GLI3: variants seen among roughly 807,000 people sequenced by gnomAD.
GLI3 encodes transcription activator GLI3.
In GLI3, 20 loss-of-function variants were observed where a neutral mutation model predicts 100.8. That is an observed-to-expected ratio of 0.20 (90% CI 0.14 to 0.29). GLI3 has a LOEUF of 0.29. Among genes scored for constraint, GLI3 ranks in the 10% least tolerant of loss-of-function variants. The pLI is 1.00. For missense variants in GLI3, 2,040 were observed against 2,128.5 expected, an observed-to-expected ratio of 0.96 and a Z score of 0.82; for synonymous variants, 938 against 860.5, an observed-to-expected ratio of 1.09 and a Z score of -1.58.
At chr7:42,242,779 C>T (rs1788938697), upstream of GLI3, among the ~76,000 whole-genome samples, 2 of 152,180 alleles carry the variant, frequency 1.3e-5, no homozygotes, top group South Asian at 4.1e-4. Context: ...TGTCCCCACA[C>T]CTAGAAGCTT....
intron 9 of GLI3, among the ~76,000 whole-genome samples, chr7:42,023,913 C>A (rs567982848): frequency 3.3e-5 from 5 of 151,846 alleles, no homozygotes; most frequent in East Asian, 1.9e-4. Context: ...TAAAAAAAAA[C>A]CCAAAACAAA....
At chr7:42,180,403 G>C (rs1205757938) in intron 2 of GLI3, among the ~76,000 whole-genome samples, 1 of 152,248 alleles carries the variant, frequency 6.6e-6, no homozygotes, top group Non-Finnish European at 1.5e-5. Flanking sequence ...CTGTGAAAGA[G>C]AGCTTACACA....
intron 3 of GLI3, among the ~76,000 whole-genome samples, chr7:42,112,269 C>G (rs1785728959): frequency 6.6e-6 from 1 of 152,142 alleles, no homozygotes; most frequent in Non-Finnish European, 1.5e-5. Context: ...CAGGTATCTT[C>G]AGTTGATGAG....
intron 7 of GLI3, among the ~76,000 whole-genome samples, chr7:42,028,651 C>A (rs1765046833): frequency 6.6e-6 from 1 of 152,044 alleles, no homozygotes; most frequent in African/African-American, 2.4e-5. Flanking sequence ...GTAATCCCAG[C>A]TGCTCGAGAG....
chr7:41,968,958 CTAGTCCACCG>C (rs1417214260), intron 13 of GLI3, among the ~76,000 whole-genome samples: 2 of 152,138 alleles, frequency 1.3e-5, no homozygotes, highest in African/African-American at 4.8e-5. Flanking sequence ...GAATCTTAAT[CTAGTCCACCG>C]TAGTCCTCAA....
chr7:42,182,612 A>C (rs1258479643), intron 2 of GLI3, among the ~76,000 whole-genome samples: 1 of 144,262 alleles, frequency 6.9e-6, no homozygotes, highest in Non-Finnish European at 1.5e-5. Context: ...TATTAAAAAA[A>C]CACATTTTTA....
At chr7:42,236,299 A>C (rs573251628) in intron 1 of GLI3, among the ~76,000 whole-genome samples, 40 of 152,264 alleles carry the variant, frequency 2.6e-4, no homozygotes, top group Middle Eastern at 3.4e-3. Context: ...TATTGCATGG[A>C]CCACGGTTAC....
At chr7:42,106,389 TC>T (rs1328724001) in intron 3 of GLI3, among the ~76,000 whole-genome samples, 16 of 152,172 alleles carry the variant, frequency 1.1e-4, no homozygotes, top group Non-Finnish European at 2.1e-4. Context: ...TGCAAGGTGC[TC>T]CTAATCTCTG....
chr7:42,181,350 T>C (rs1261966874), intron 2 of GLI3, among the ~76,000 whole-genome samples: 3 of 152,054 alleles, frequency 2.0e-5, no homozygotes, highest in Non-Finnish European at 4.4e-5. Flanking sequence ...CCTGTAATCC[T>C]AGCACTTTGG....
At chr7:42,036,118 GATT>G (rs1789430516) in intron 7 of GLI3, among the ~76,000 whole-genome samples, 1 of 152,084 alleles carries the variant, frequency 6.6e-6, no homozygotes, top group Admixed American at 6.6e-5. Flanking sequence ...TAGTAGTCTG[GATT>G]ATTAAGTAAA....
At chr7:42,211,318 CTATTTAT>C (rs1788269936) in intron 2 of GLI3, among the ~76,000 whole-genome samples, 1 of 151,986 alleles carries the variant, frequency 6.6e-6, no homozygotes, top group Non-Finnish European at 1.5e-5. Context: ...TAAGTAAACT[CTATTTAT>C]AAAACATTGT....
chr7:42,118,261 G>A (rs1384299658), intron 3 of GLI3: 10 of 398,494 alleles, frequency 2.5e-5, no homozygotes, highest in Admixed American at 4.4e-5. Context: ...GGATGGCAGC[G>A]TTGAGTTCAG....
intron 2 of GLI3, among the ~76,000 whole-genome samples, chr7:42,215,119 C>CA (rs768606717): frequency 6.6e-6 from 1 of 152,008 alleles, no homozygotes; most frequent in Non-Finnish European, 1.5e-5. Context: ...ACTGGGGACT[C>CA]ACACCATATG....
At chr7:42,091,503 C>CT (rs1398246624) in intron 3 of GLI3, among the ~76,000 whole-genome samples, 1 of 152,238 alleles carries the variant, frequency 6.6e-6, no homozygotes, top group East Asian at 1.9e-4. Context: ...CGACGATGCT[C>CT]TCTTGCTGCC....
chr7:42,232,474 T>G (rs1373076993), intron 1 of GLI3, among the ~76,000 whole-genome samples: 1 of 152,164 alleles, frequency 6.6e-6, no homozygotes, highest in Non-Finnish European at 1.5e-5. Flanking sequence ...AATACACTGA[T>G]GACTAATGGC....
At chr7:42,111,958 C>G (rs1785719098) in intron 3 of GLI3, among the ~76,000 whole-genome samples, 1 of 152,144 alleles carries the variant, frequency 6.6e-6, no homozygotes, top group Admixed American at 6.5e-5. Context: ...GTGTAAAGCC[C>G]TGGACATCCA....
intron 3 of GLI3, among the ~76,000 whole-genome samples, chr7:42,144,314 C>G (rs1786647979): frequency 6.6e-6 from 1 of 152,136 alleles, no homozygotes; most frequent in South Asian, 2.1e-4. Context: ...TAACCCCTAC[C>G]ACGCTCCCCC....
At chr7:41,977,831 T>G in intron 11 of GLI3, 109 bp from the exon 12 acceptor site, 1 of 991,880 alleles carries the variant, frequency 1.0e-6, no homozygotes, top group Middle Eastern at 2.1e-4. Context: ...GTCAGCAGCT[T>G]TTCAAAACCC....
At chr7:42,190,038 T>C (rs943132277) in intron 2 of GLI3, among the ~76,000 whole-genome samples, 1 of 148,444 alleles carries the variant, frequency 6.7e-6, no homozygotes, top group Non-Finnish European at 1.5e-5. Context: ...ATTTTGCAAT[T>C]ACATAGGGAA....
Sources: allele counts gnomAD v4.1 joint callset (sites outside exome capture counted in the v4.1 genomes callset), GRCh38; gene constraint gnomAD v4.1.1; transcripts MANE v1.5; gene names NCBI Gene and HGNC (gene_info 2026-07-23, HGNC 2026-07-21).